The following JMJD1C variants were observed in gnomAD, a reference collection of about 807,000 sequenced individuals.
The protein encoded by JMJD1C is jumonji domain containing 1C.
JMJD1C carries 31 observed loss-of-function variants against 245.3 expected under a neutral mutation model. The ratio of observed to expected loss-of-function variants is 0.13; its 90% confidence interval spans 0.09 to 0.17. The LOEUF is 0.17. Ranked by LOEUF, JMJD1C falls within the 10% of genes least tolerant of loss-of-function variation. The pLI is 1.00. For synonymous variants in JMJD1C, 1,057 were observed against 1,017.4 expected, an observed-to-expected ratio of 1.04 and a Z score of -0.74; for missense variants, 2,691 against 3,000.2, an observed-to-expected ratio of 0.90 and a Z score of 2.41.
intron 15 of JMJD1C, 51 bp from the exon 16 acceptor site, chr10:63,193,202 TTAG>T: frequency 6.5e-7 from 1 of 1,530,288 alleles, no homozygotes; most frequent in African/African-American, 1.4e-5. Context: ...AATAATTCAA[TTAG>T]TAGTATAGAT....
At chr10:63,301,673 GGA>G in intron 2 of JMJD1C, 1 of 414,388 alleles carries the variant, frequency 2.4e-6, no homozygotes. Flanking sequence ...CCTGACAAGG[GGA>G]GAGAGAGCAT....
intron 2 of JMJD1C, among the ~76,000 whole-genome samples, chr10:63,333,623 C>T (rs78005057): frequency 0.037 from 5,616 of 152,206 alleles, 335 homozygotes; most frequent in East Asian, 0.29. Flanking sequence ...AAAATGTTAC[C>T]ATCTTGTGGT....
intron 1 of JMJD1C, among the ~76,000 whole-genome samples, chr10:63,519,722 T>C (rs182933335): frequency 2.6e-5 from 4 of 152,300 alleles, no homozygotes; most frequent in African/African-American, 7.2e-5. Context: ...GGGAGCAAAG[T>C]GTTAAGGGAA....
chr10:63,206,498 G>A, intron 10 of JMJD1C, 97 bp downstream of exon 10: 1 of 880,202 alleles, frequency 1.1e-6, no homozygotes, highest in Non-Finnish European at 1.7e-6. Context: ...TGAAGACAAA[G>A]GATGCCTTTA....
rs148574955 is a variant in JMJD1C, at chr10:63,284,284, C to T, written c.334-19520G>A. Among the ~76,000 whole-genome samples, 489 of 152,306 alleles carry T rather than the reference C, an allele frequency of 3.2e-3. 2 individuals are homozygous for T. The highest frequency in any genetic ancestry group is 0.011 in the African/African-American group (474 of 41,574). ...CAAGTGAACCATCCACCTCATCTTA[C>T]CAAAGTGCTGGGATTACAGGAGTGA... On this transcript the variant is annotated intron_variant, in intron 2 of 25. Transcript: ENST00000399262.
intron 1 of JMJD1C, among the ~76,000 whole-genome samples, chr10:63,501,372 C>T (rs1016776980): frequency 6.6e-6 from 1 of 151,990 alleles, no homozygotes; most frequent in Non-Finnish European, 1.5e-5. Context: ...GCTTTTATTT[C>T]ACAGTTAAAA....
chr10:63,477,341 TAA>T (rs1326169150), intron 1 of JMJD1C, among the ~76,000 whole-genome samples: 5 of 152,074 alleles, frequency 3.3e-5, no homozygotes, highest in South Asian at 2.1e-4. Flanking sequence ...TATCTTATAT[TAA>T]GTCTTACTAT....
At chr10:63,221,182 T>C (rs192254613) in intron 3 of JMJD1C, among the ~76,000 whole-genome samples, 3 of 150,582 alleles carry the variant, frequency 2.0e-5, no homozygotes, top group Admixed American at 1.3e-4. Context: ...GTGAACTATA[T>C]CTGATGAATA....
intron 1 of JMJD1C, among the ~76,000 whole-genome samples, chr10:63,409,919 G>A (rs1045327562): frequency 1.3e-5 from 2 of 152,134 alleles, no homozygotes; most frequent in Non-Finnish European, 2.9e-5. Context: ...TTTGCATAAG[G>A]AGTCTGGGGG....
At chr10:63,432,052 G>T (rs549244431) in intron 1 of JMJD1C, among the ~76,000 whole-genome samples, 1 of 152,086 alleles carries the variant, frequency 6.6e-6, no homozygotes, top group East Asian at 1.9e-4. Flanking sequence ...TAACTGTTGC[G>T]CCTTGAGTTC....
chr10:63,189,046 G>T, intron 18 of JMJD1C, 122 bp downstream of exon 18: 3 of 738,546 alleles, frequency 4.1e-6, no homozygotes, highest in South Asian at 3.0e-5. Flanking sequence ...ATATCTTATT[G>T]TCCCCCAAAT....
chr10:63,362,562 CT>C (rs1413181832), intron 2 of JMJD1C, among the ~76,000 whole-genome samples: 1 of 152,058 alleles, frequency 6.6e-6, no homozygotes, highest in African/African-American at 2.4e-5. Context: ...TCACTGCAGC[CT>C]TGGCCTCCAA....
At chr10:63,235,020 T>C (rs1233741323) in intron 3 of JMJD1C, among the ~76,000 whole-genome samples, 1 of 152,098 alleles carries the variant, frequency 6.6e-6, no homozygotes, top group African/African-American at 2.4e-5. Context: ...TATCTGATGA[T>C]TAATGTTCTA....
chr10:63,500,961 T>C (rs1954539368), intron 1 of JMJD1C, among the ~76,000 whole-genome samples: 1 of 152,214 alleles, frequency 6.6e-6, no homozygotes, highest in South Asian at 2.1e-4. Context: ...TTTTCCTCTG[T>C]ATATCACTTT....
chr10:63,293,105 C>T (rs888794076), intron 2 of JMJD1C, among the ~76,000 whole-genome samples: 1 of 152,022 alleles, frequency 6.6e-6, no homozygotes, highest in African/African-American at 2.4e-5. Context: ...AAGTATTTTC[C>T]CCAGGAAGAT....
intron 2 of JMJD1C, among the ~76,000 whole-genome samples, chr10:63,285,126 C>T (rs970339622): frequency 6.6e-6 from 1 of 152,144 alleles, no homozygotes; most frequent in Non-Finnish European, 1.5e-5. Context: ...TGGGCCTACA[C>T]CATTGATAAC....
At chr10:63,229,796 A>G (rs895122455) in intron 3 of JMJD1C, among the ~76,000 whole-genome samples, 14 of 152,306 alleles carry the variant, frequency 9.2e-5, no homozygotes, top group African/African-American at 2.2e-4. Context: ...TTGCATTCCA[A>G]TAATATTCTT....
At chr10:63,463,526 T>C (rs1035852138) in intron 1 of JMJD1C, among the ~76,000 whole-genome samples, 2 of 152,192 alleles carry the variant, frequency 1.3e-5, no homozygotes, top group Admixed American at 1.3e-4. Context: ...GAATATTACA[T>C]TATGTTAATG....
intron 3 of JMJD1C, among the ~76,000 whole-genome samples, chr10:63,262,370 G>A (rs185701021): frequency 3.3e-5 from 5 of 152,042 alleles, no homozygotes; most frequent in Non-Finnish European, 5.9e-5. Context: ...TTAGGTATCT[G>A]TAGTAAATTT....
Sources: gnomAD v4.1 joint callset for allele counts (sites outside exome capture counted in the v4.1 genomes callset) on GRCh38, gnomAD v4.1.1 for gene constraint, MANE v1.5 for transcripts, NCBI Gene and HGNC (gene_info 2026-07-23, HGNC 2026-07-21) for gene names.